Variants in RALGAPA2 observed in about 807,000 individuals in gnomAD.
RALGAPA2 encodes the protein Ral GTPase activating protein catalytic subunit alpha 2, also known as ral GTPase-activating protein subunit alpha-2.
In RALGAPA2, 139 loss-of-function variants were observed where a neutral mutation model predicts 230.4. The observed-to-expected ratio is 0.60, with a 90% confidence interval of 0.53 to 0.69. RALGAPA2 has a LOEUF of 0.69. RALGAPA2 is among the 30% of genes least tolerant of loss of function. The pLI, the probability that RALGAPA2 is intolerant of heterozygous loss-of-function variation, is 0.00. For synonymous variants in RALGAPA2, 847 were observed against 837.8 expected (o/e 1.01, Z -0.19); for missense variants, 2,163 against 2,276.0 (o/e 0.95, Z 1.01).
At chr20:20,569,252 G>A (rs1023355851) in intron 23 of RALGAPA2, among the ~76,000 whole-genome samples, 30 of 152,208 alleles carry the variant, frequency 2.0e-4, no homozygotes, top group African/African-American at 6.3e-4. Flanking sequence ...ATTTTCATCT[G>A]GCAAAGGAAT....
At chr20:20,565,697 C>T (rs1477675127) in intron 23 of RALGAPA2, among the ~76,000 whole-genome samples, 1 of 152,036 alleles carries the variant, frequency 6.6e-6, no homozygotes, top group Non-Finnish European at 1.5e-5. Flanking sequence ...TAAATGAAAG[C>T]AAAATGTTCC....
chr20:20,699,067 A>G (rs1176510326), intron 1 of RALGAPA2, among the ~76,000 whole-genome samples: 1 of 152,224 alleles, frequency 6.6e-6, no homozygotes, highest in African/African-American at 2.4e-5. Context: ...GCATTTGTCC[A>G]TTTGCAATTT....
At chr20:20,477,031 C>T (rs961158247) in intron 36 of RALGAPA2, among the ~76,000 whole-genome samples, 5 of 152,060 alleles carry the variant, frequency 3.3e-5, no homozygotes, top group Admixed American at 2.6e-4. Flanking sequence ...AATCAATAGG[C>T]CCAAAAGTCA....
At chr20:20,471,475 G>A (rs1428118173) in intron 37 of RALGAPA2, 1 of 142,902 alleles carries the variant, frequency 7.0e-6, no homozygotes, top group Non-Finnish European at 1.5e-5. Flanking sequence ...TGCGTGCCCA[G>A]CTCGTCCTAG....
At chr20:20,442,404 C>T (rs935052353) in intron 37 of RALGAPA2, among the ~76,000 whole-genome samples, 1 of 152,266 alleles carries the variant, frequency 6.6e-6, no homozygotes, top group African/African-American at 2.4e-5. Context: ...TATGGCCATA[C>T]ACTCAGCTAC....
At chr20:20,509,268 G>A (rs1186133362) in intron 33 of RALGAPA2, among the ~76,000 whole-genome samples, 1 of 152,096 alleles carries the variant, frequency 6.6e-6, no homozygotes, top group South Asian at 2.1e-4. Flanking sequence ...GGTGAGAAAT[G>A]GCAGCTTCAG....
chr20:20,626,191 A>C (rs545079560), intron 10 of RALGAPA2, among the ~76,000 whole-genome samples: 8 of 152,236 alleles, frequency 5.3e-5, no homozygotes, highest in Non-Finnish European at 8.8e-5. Flanking sequence ...AGTTGAAAAA[A>C]CATAGTTATT....
At chr20:20,551,710 A>G (rs912261481) in intron 23 of RALGAPA2, among the ~76,000 whole-genome samples, 9 of 152,242 alleles carry the variant, frequency 5.9e-5, no homozygotes, top group South Asian at 2.1e-4. Flanking sequence ...TGGAAAAACC[A>G]TAAGTGATAA....
chr20:20,471,487 T>C (rs2061539719), intron 37 of RALGAPA2: 1 of 151,582 alleles, frequency 6.6e-6, no homozygotes, highest in Non-Finnish European at 1.5e-5. Context: ...TCGTCCTAGT[T>C]GACATGCAAA....
intron 20 of RALGAPA2, among the ~76,000 whole-genome samples, chr20:20,581,163 T>C (rs562170743): frequency 6.6e-6 from 1 of 152,298 alleles, no homozygotes; most frequent in Non-Finnish European, 1.5e-5. Flanking sequence ...GTGCATCATA[T>C]AAAATTACCT....
chr20:20,710,318 G>C (rs140619650), intron 1 of RALGAPA2, among the ~76,000 whole-genome samples: 134 of 151,880 alleles, frequency 8.8e-4, no homozygotes, highest in East Asian at 8.0e-3. Flanking sequence ...AGAGGCCTTT[G>C]TTTTCTAAGT....
chr20:20,554,003 T>C (rs373433503), intron 23 of RALGAPA2, among the ~76,000 whole-genome samples: 8 of 152,306 alleles, frequency 5.3e-5, no homozygotes, highest in East Asian at 1.9e-4. Flanking sequence ...TCAAGATATA[T>C]ATTCATATAT....
At chr20:20,580,974 A>G (rs946403828) in intron 20 of RALGAPA2, among the ~76,000 whole-genome samples, 1 of 152,188 alleles carries the variant, frequency 6.6e-6, no homozygotes, top group Non-Finnish European at 1.5e-5. Flanking sequence ...TTATGAAGAA[A>G]TTGCTCTCTT....
At chr20:20,498,279 C>T (rs2062272251) in intron 35 of RALGAPA2, among the ~76,000 whole-genome samples, 1 of 152,174 alleles carries the variant, frequency 6.6e-6, no homozygotes, top group African/African-American at 2.4e-5. Flanking sequence ...TTTATGTTAG[C>T]TACTCCTTCA....
intron 20 of RALGAPA2, among the ~76,000 whole-genome samples, chr20:20,579,611 C>A (rs576530780): frequency 6.6e-5 from 10 of 152,130 alleles, no homozygotes; most frequent in Non-Finnish European, 1.2e-4. Flanking sequence ...GAATTACTGA[C>A]ACTTTTTTTA....
At chr20:20,436,496 T>C (rs147329244) in intron 37 of RALGAPA2, among the ~76,000 whole-genome samples, 12 of 152,246 alleles carry the variant, frequency 7.9e-5, no homozygotes, top group Non-Finnish European at 1.8e-4. Flanking sequence ...GTTGATAAAG[T>C]GTATTTAAGC....
rs2059572504 is a variant in RALGAPA2 at position 20,389,698 on chromosome 20, G to C, written c.*3591C>G. On this transcript the variant is annotated 3_prime_UTR_variant, in exon 40 of 40. Coordinates refer to ENST00000202677, the MANE Select transcript of RALGAPA2 (RefSeq NM_020343.4). ...AAGAGTAAAAGAGGTTAACTGGAGA[G>C]TCGGGTGGCTGCCATCAGTGGAGAT... 6.6e-6 allele frequency: 1 copy of C among 151,712 alleles called. No individual in the cohort carries two copies. The highest frequency in any genetic ancestry group is 2.4e-5 in the African/African-American group (1 of 41,252). 9.4% of individuals were successfully genotyped at this position (151,712 alleles called of 1,614,324 possible).
intron 33 of RALGAPA2, among the ~76,000 whole-genome samples, chr20:20,509,664 G>A (rs779677182): frequency 1.3e-5 from 2 of 152,026 alleles, no homozygotes; most frequent in Non-Finnish European, 2.9e-5. Flanking sequence ...CAGTGACCTG[G>A]GAGACAGGTG....
chr20:20,474,468 G>C (rs2123413140), intron 36 of RALGAPA2, among the ~76,000 whole-genome samples: 1 of 152,334 alleles, frequency 6.6e-6, no homozygotes, highest in South Asian at 2.1e-4. Context: ...TTTGGCACCT[G>C]TGTTGACAAA....
Sources: gnomAD v4.1 joint callset for allele counts (sites outside exome capture counted in the v4.1 genomes callset) on GRCh38, gnomAD v4.1.1 for gene constraint, MANE v1.5 for transcripts, NCBI Gene and HGNC (gene_info 2026-07-23, HGNC 2026-07-21) for gene names.